Variants in CNTLN observed in about 807,000 individuals in gnomAD.
CNTLN encodes the protein centlein.
A neutral mutation model predicts 180.0 loss-of-function variants in CNTLN; 212 were observed. That is an observed-to-expected ratio of 1.18 (90% CI 1.05 to 1.32). The LOEUF (loss-of-function observed/expected upper bound fraction) is 1.32. Ranked by LOEUF, CNTLN falls within the 40% of genes most tolerant of loss-of-function variation. CNTLN has a pLI of 0.00. For missense variants in CNTLN, 2,095 were observed against 1,610.9 expected, an observed-to-expected ratio of 1.30 and a Z score of -5.14; for synonymous variants, 722 against 563.1, an observed-to-expected ratio of 1.28 and a Z score of -3.99.
intron 15 of CNTLN, among the ~76,000 whole-genome samples, chr9:17,400,521 C>G (rs562955672): frequency 1.1e-4 from 17 of 152,268 alleles, no homozygotes; most frequent in Admixed American, 2.0e-4. Flanking sequence ...TCCTAACTCT[C>G]ATCCTCTAGC....
intron 13 of CNTLN, among the ~76,000 whole-genome samples, chr9:17,373,141 A>T (rs1295669659): frequency 6.6e-6 from 1 of 152,184 alleles, no homozygotes; most frequent in African/African-American, 2.4e-5. Context: ...GGGCAGTCAC[A>T]CAACAGAAAG....
At chr9:17,421,390 A>C (rs576993177) in intron 18 of CNTLN, among the ~76,000 whole-genome samples, 1 of 151,826 alleles carries the variant, frequency 6.6e-6, no homozygotes, top group African/African-American at 2.4e-5. Flanking sequence ...ATAGCTAGTC[A>C]TGTTCTTTTT....
intron 10 of CNTLN, among the ~76,000 whole-genome samples, chr9:17,338,095 A>G (rs1438607003): frequency 6.6e-6 from 1 of 151,560 alleles, no homozygotes; most frequent in Non-Finnish European, 1.5e-5. Flanking sequence ...ATCTCTTCCA[A>G]TATAGTCTGT....
At chr9:17,496,828 G>C (rs571749322) in intron 25 of CNTLN, among the ~76,000 whole-genome samples, 3 of 152,254 alleles carry the variant, frequency 2.0e-5, no homozygotes, top group Non-Finnish European at 4.4e-5. Context: ...TACAAGGAAT[G>C]GACATATCCC....
intron 14 of CNTLN, among the ~76,000 whole-genome samples, chr9:17,393,386 T>A (rs1040652408): frequency 9.2e-5 from 14 of 152,232 alleles, no homozygotes; most frequent in African/African-American, 3.4e-4. Flanking sequence ...TGAGTTCATA[T>A]ACTTTTTCAG....
chr9:17,487,866 C>G (rs1832970884), intron 25 of CNTLN, among the ~76,000 whole-genome samples: 1 of 152,064 alleles, frequency 6.6e-6, no homozygotes, highest in Admixed American at 6.6e-5. Context: ...CCCTGCTTTT[C>G]TAGTCATAGC....
intron 18 of CNTLN, among the ~76,000 whole-genome samples, chr9:17,428,265 T>G (rs1340258467): frequency 6.6e-6 from 1 of 152,040 alleles, no homozygotes; most frequent in African/African-American, 2.4e-5. Context: ...TAATAAATAT[T>G]AATGGGGAAA....
chr9:17,294,944 G>T (rs1817753388), intron 6 of CNTLN, among the ~76,000 whole-genome samples: 2 of 146,840 alleles, frequency 1.4e-5, no homozygotes, highest in Non-Finnish European at 3.0e-5. Flanking sequence ...GGGAGGCTCA[G>T]GCATGGTGGG....
At chr9:17,417,430 A>G (rs1429462442) in intron 18 of CNTLN, among the ~76,000 whole-genome samples, 1 of 152,014 alleles carries the variant, frequency 6.6e-6, no homozygotes, top group Non-Finnish European at 1.5e-5. Flanking sequence ...CAAATAGCAA[A>G]GTGACATGAA....
chr9:17,365,596 ATTC>A (rs141724714), intron 12 of CNTLN, among the ~76,000 whole-genome samples: 2,733 of 152,222 alleles, frequency 0.018, 77 homozygotes, highest in African/African-American at 0.063. Flanking sequence ...GGAATTTACC[ATTC>A]TTGTTTTCAG....
chr9:17,390,023 A>C (rs1825973263), intron 14 of CNTLN, among the ~76,000 whole-genome samples: 1 of 152,148 alleles, frequency 6.6e-6, no homozygotes, highest in Non-Finnish European at 1.5e-5. Flanking sequence ...AAAGATAGCC[A>C]TTTACAAGCC....
intron 6 of CNTLN, among the ~76,000 whole-genome samples, chr9:17,279,929 A>G (rs77975417): frequency 0.016 from 2,426 of 152,234 alleles, 61 homozygotes; most frequent in African/African-American, 0.054. Flanking sequence ...TTGGCCTTAT[A>G]AGACGAAGAG....
chr9:17,149,463 A>AT (rs1271068297), intron 2 of CNTLN, among the ~76,000 whole-genome samples: 1 of 147,118 alleles, frequency 6.8e-6, no homozygotes, highest in Non-Finnish European at 1.5e-5. Context: ...ATTTCTCCAG[A>AT]TTCTCTCCAG....
rs1485076083 is a variant in CNTLN at position 17,330,654 on chromosome 9, C to T, written c.1364C>T (p.Ser455Leu). The T allele has an allele frequency of 1.3e-6, 2 of 1,599,602 alleles. No individual in the cohort carries two copies. Among genetic ancestry groups the T allele is most frequent in the Admixed American group, 1.7e-5 (1 of 57,402 alleles). ...TAGGTACCTCATCGCCCATCCTTATCAAGCTTAGAAACGTTAATGGTTTCA... is the reference window on the plus strand; with the variant it reads ...TAGGTACCTCATCGCCCATCCTTATTAAGCTTAGAAACGTTAATGGTTTCA... Reference protein sequence around the residue: ...SAQVPHRPSLSSLETLMVSQK... With the variant: ...SAQVPHRPSLLSLETLMVSQK... The change falls in exon 9 of 26, where the codon TCA (serine) becomes TTA (leucine). Residue 455 changes from serine (S) to leucine (L), a missense_variant. Ser to Leu is a moderately radical substitution (Grantham distance 145). Transcript: ENST00000380647.
chr9:17,211,421 T>C (rs1823300227), intron 2 of CNTLN, among the ~76,000 whole-genome samples: 1 of 152,170 alleles, frequency 6.6e-6, no homozygotes, highest in South Asian at 2.1e-4. Context: ...GATATCTCTG[T>C]TTTGGTACCA....
intron 5 of CNTLN, among the ~76,000 whole-genome samples, chr9:17,245,859 T>C (rs1423020901): frequency 6.6e-6 from 1 of 152,064 alleles, no homozygotes; most frequent in Non-Finnish European, 1.5e-5. Context: ...CAGTTACATT[T>C]TTCAGTTCCA....
intron 10 of CNTLN, among the ~76,000 whole-genome samples, chr9:17,334,340 G>A (rs936255765): frequency 3.9e-5 from 6 of 152,066 alleles, no homozygotes; most frequent in African/African-American, 7.2e-5. Flanking sequence ...GATTACAGGC[G>A]CGAGCCGCTG....
intron 10 of CNTLN, among the ~76,000 whole-genome samples, chr9:17,337,882 T>G (rs976831290): frequency 1.3e-5 from 2 of 152,182 alleles, no homozygotes; most frequent in Non-Finnish European, 2.9e-5. Context: ...ATTTACTCAG[T>G]TTCTGATGAC....
intron 25 of CNTLN, among the ~76,000 whole-genome samples, chr9:17,499,987 T>A (rs1376589905): frequency 6.6e-6 from 1 of 152,154 alleles, no homozygotes; most frequent in Non-Finnish European, 1.5e-5. Flanking sequence ...TAGTAAGATA[T>A]ATGAAATTTT....
Sources: gnomAD v4.1 joint callset for allele counts (sites outside exome capture counted in the v4.1 genomes callset) on GRCh38, gnomAD v4.1.1 for gene constraint, MANE v1.5 for transcripts, NCBI Gene and HGNC (gene_info 2026-07-23, HGNC 2026-07-21) for gene names.